ANKRD28: variants seen among roughly 807,000 people sequenced by gnomAD.
ANKRD28 encodes the protein serine/threonine-protein phosphatase 6 regulatory ankyrin repeat subunit A.
Under a neutral mutation model 126.5 loss-of-function variants are expected in ANKRD28, and 44 were observed. The observed-to-expected ratio is 0.35, with a 90% CI of 0.27 to 0.45. The LOEUF (loss-of-function observed/expected upper bound fraction) is 0.45. ANKRD28 is among the 20% of genes least tolerant of loss of function. ANKRD28 has a pLI of 1.00. For missense variants in ANKRD28, 1,110 were observed against 1,316.6 expected (o/e 0.84, Z 2.43); for synonymous variants, 442 against 468.5 (o/e 0.94, Z 0.73).
intron 1 of ANKRD28, among the ~76,000 whole-genome samples, chr3:15,813,045 TCC>T (rs368409558): frequency 7.9e-6 from 1 of 127,178 alleles, no homozygotes; most frequent in Non-Finnish European, 1.5e-5. Flanking sequence ...TTTAATCACC[TCC>T]TTTTTTTTTT....
rs1031849350 is a variant in ANKRD28 at position 15,817,304 on chromosome 3, T to C, written c.28-21998A>G. 1.3e-5 allele frequency among the ~76,000 whole-genome samples: 2 copies of C among 152,058 alleles called. No individual in the cohort carries two copies. Among genetic ancestry groups the C allele is most frequent in the Admixed American group, 1.3e-4 (2 of 15,254 alleles). On this transcript the variant is annotated intron_variant, in intron 1 of 27. Coordinates refer to the ANKRD28 transcript ENST00000399451. This position sits in a 1 kb window ranked among gnomAD's most constrained non-coding sequence, Gnocchi z 4.5. ...TTATTTTGTTTTTGTCCCAACTAGATAGAAAATTTTATAGGTTATAAACTA... is the reference window on the plus strand; with the variant it reads ...TTATTTTGTTTTTGTCCCAACTAGACAGAAAATTTTATAGGTTATAAACTA...
At chr3:15,748,672 G>T (rs569021806) in intron 4 of ANKRD28, among the ~76,000 whole-genome samples, 2 of 152,236 alleles carry the variant, frequency 1.3e-5, no homozygotes, top group East Asian at 3.9e-4. Flanking sequence ...ATGTACCTAG[G>T]TGATAATCTT....
chr3:15,703,162 A>C (rs922878011), intron 14 of ANKRD28, among the ~76,000 whole-genome samples: 7 of 152,232 alleles, frequency 4.6e-5, no homozygotes, highest in Non-Finnish European at 7.3e-5. Flanking sequence ...AAAAAATTTA[A>C]AGATTGATTT....
In ANKRD28 at chr3:15,853,758, C is replaced by T. The variant is rs376173830; in HGVS notation, c.27+5619G>A. Among the ~76,000 whole-genome samples the T allele has an allele frequency of 1.3e-5, 2 of 152,104 alleles. No individual in the cohort carries two copies. The highest frequency in any genetic ancestry group is 2.9e-5 in the Non-Finnish European group (2 of 68,022). The stretch of plus-strand genomic sequence containing the variant: ...TGCTGGGATTACAGGCATGAGCCAC[C>T]GCGCCCGGCCCTAAAATCAATGTTT... On this transcript the variant is annotated intron_variant, in intron 1 of 27. Transcript: ENST00000399451. The surrounding 1 kb of genome is among the most constrained non-coding windows in gnomAD (Gnocchi z 4.2).
rs79870088 is a variant in ANKRD28, at chr3:15,836,055, G to C, written c.27+23322C>G. 2.0e-5 allele frequency among the ~76,000 whole-genome samples: 3 copies of C among 152,040 alleles called. No individual in the cohort carries two copies. The East Asian group carries it at 5.8e-4, about 29-fold the overall frequency. ...ATATGAAAATGAAGCACAAAAATGG[G>C]AGTGAATTATATTGAAAAAAAGAGA... On this transcript the variant is annotated intron_variant, in intron 1 of 27. Transcript: ENST00000399451.
chr3:15,767,863 G>A (rs1262962185), intron 2 of ANKRD28, among the ~76,000 whole-genome samples: 1 of 151,872 alleles, frequency 6.6e-6, no homozygotes, highest in Non-Finnish European at 1.5e-5. Flanking sequence ...ACTCCAGCCT[G>A]GATGACAGAG....
intron 2 of ANKRD28, among the ~76,000 whole-genome samples, chr3:15,793,180 T>C (rs1375415889): frequency 1.3e-5 from 2 of 152,200 alleles, no homozygotes; most frequent in East Asian, 1.9e-4. Flanking sequence ...TTATTACCTA[T>C]TAAAAGTCAG....
chr3:15,690,323 C>CT, intron 17 of ANKRD28, 103 bp from the exon 18 acceptor site: 2 of 971,768 alleles, frequency 2.1e-6, no homozygotes, highest in Non-Finnish European at 3.0e-6. Flanking sequence ...ATATTATTAT[C>CT]CTACTTGAGA....
At chr3:15,679,080 T>G (rs1357577987) in intron 23 of ANKRD28, among the ~76,000 whole-genome samples, 1 of 151,750 alleles carries the variant, frequency 6.6e-6, no homozygotes, top group Non-Finnish European at 1.5e-5. Context: ...GCTCAAGTGA[T>G]CCTCCTGCCT....
chr3:15,783,790 T>A (rs2059646465), intron 2 of ANKRD28, among the ~76,000 whole-genome samples: 1 of 150,746 alleles, frequency 6.6e-6, no homozygotes, highest in Admixed American at 6.6e-5. Flanking sequence ...TGACTCAGAG[T>A]TTCCCCCAAA....
intron 21 of ANKRD28, chr3:15,684,966 A>AAGAAG (rs2125753776): frequency 2.4e-6 from 1 of 422,130 alleles, no homozygotes; most frequent in East Asian, 4.8e-5. Context: ...AAAACTAAAA[A>AAGAAG]AGAAAAGAAA....
intron 24 of ANKRD28, 164 bp from the exon 25 acceptor site, chr3:15,677,726 T>C: frequency 2.1e-6 from 1 of 472,566 alleles, no homozygotes; most frequent in Non-Finnish European, 3.8e-6. Flanking sequence ...CTTCATATAA[T>C]TGTATGAGAC....
intron 4 of ANKRD28, among the ~76,000 whole-genome samples, chr3:15,748,753 GA>G (rs754502265): frequency 4.6e-5 from 7 of 152,140 alleles, no homozygotes; most frequent in Non-Finnish European, 8.8e-5. Flanking sequence ...GCAAGGCTGG[GA>G]AAGTTTCCCT....
chr3:15,803,486 G>A (rs543608896), intron 1 of ANKRD28, among the ~76,000 whole-genome samples: 51 of 151,970 alleles, frequency 3.4e-4, no homozygotes, highest in African/African-American at 6.3e-4. Context: ...GTGTGGTGGC[G>A]CGTGCCTGTA....
At chr3:15,726,647 A>C (rs2074187121) in intron 6 of ANKRD28, among the ~76,000 whole-genome samples, 1 of 152,258 alleles carries the variant, frequency 6.6e-6, no homozygotes. Flanking sequence ...TATTAATAGA[A>C]GCTGTAAAAA....
chr3:15,840,865 G>A (rs1466932731), intron 1 of ANKRD28, among the ~76,000 whole-genome samples: 15 of 152,232 alleles, frequency 9.9e-5, no homozygotes, highest in Admixed American at 9.2e-4. Flanking sequence ...TCCTGGCCGG[G>A]TGTGGTGGCT....
At chr3:15,743,402 T>C (rs1334189841) in intron 4 of ANKRD28, among the ~76,000 whole-genome samples, 3 of 151,636 alleles carry the variant, frequency 2.0e-5, no homozygotes, top group Non-Finnish European at 4.4e-5. Flanking sequence ...TATTTGCAAA[T>C]AAACACAAAG....
At chr3:15,674,199 G>GAAT (rs1465227879) in intron 27 of ANKRD28, among the ~76,000 whole-genome samples, 257 of 56,094 alleles carry the variant, frequency 4.6e-3, no homozygotes, top group African/African-American at 0.015. Context: ...AAAAAAAAAA[G>GAAT]AAGAAGAACC....
At position 15,797,191 on chromosome 3, in the gene ANKRD28, A is replaced by G; in HGVS notation, c.-670T>C. ...TAACAATTCTTTCAGTGTTTGGGAA[A>G]GGGGCAAAAAACAAAAACAAAAAAA... is the stretch of plus-strand genomic sequence containing the variant. On this transcript the variant is annotated 5_prime_UTR_variant, in exon 1 of 28. Coordinates refer to ENST00000683139, the MANE Select transcript of ANKRD28 (RefSeq NM_001349278.2). 2.4e-6 allele frequency: 2 copies of G among 827,666 alleles called. No individual in the cohort carries two copies. Among genetic ancestry groups the G allele is most frequent in the Admixed American group, 8.1e-5 (1 of 12,402 alleles). The allele number at this position is 827,666 out of a possible 1,614,324, so 51.3% of individuals were successfully genotyped here. A position where few individuals can be genotyped will look rare whatever the true frequency, so the allele number is the denominator to read the frequency against.
Sources: allele counts gnomAD v4.1 joint callset (sites outside exome capture counted in the v4.1 genomes callset), GRCh38; gene constraint gnomAD v4.1.1; non-coding constraint Gnocchi (gnomAD v3.1); transcripts MANE v1.5; gene names NCBI Gene and HGNC (gene_info 2026-07-23, HGNC 2026-07-21).